SLC9C1: variants seen among roughly 807,000 people sequenced by gnomAD.
SLC9C1 encodes sodium/hydrogen exchanger 10.
In SLC9C1, 97 loss-of-function variants were observed where a neutral mutation model predicts 140.9. That is an observed-to-expected ratio of 0.69 (90% CI 0.58 to 0.82). SLC9C1 has a LOEUF of 0.82. SLC9C1 is among the 40% of genes least tolerant of loss of function. SLC9C1 has a pLI of 0.00. For missense variants in SLC9C1, 1,340 were observed against 1,389.3 expected (o/e 0.96, Z 0.56); for synonymous variants, 440 against 442.6 (o/e 0.99, Z 0.07).
intron 14 of SLC9C1, among the ~76,000 whole-genome samples, chr3:112,217,967 T>C (rs1202836717): frequency 1.3e-5 from 2 of 152,168 alleles, no homozygotes; most frequent in Admixed American, 1.3e-4. Flanking sequence ...AATGTTAGGC[T>C]GGGATAATTA....
At chr3:112,233,801 G>A (rs887216708) in intron 12 of SLC9C1, among the ~76,000 whole-genome samples, 2 of 152,006 alleles carry the variant, frequency 1.3e-5, no homozygotes, top group Non-Finnish European at 2.9e-5. Context: ...CCCTACAAAG[G>A]ACATGAACTC....
At chr3:112,292,938 A>G (rs944462612) in intron 1 of SLC9C1, among the ~76,000 whole-genome samples, 2 of 151,742 alleles carry the variant, frequency 1.3e-5, no homozygotes, top group Admixed American at 1.3e-4. Flanking sequence ...AGAAAAAAAT[A>G]TTGGTTTATC....
intron 15 of SLC9C1, among the ~76,000 whole-genome samples, chr3:112,210,510 C>T (rs755638594): frequency 1.3e-5 from 2 of 152,164 alleles, no homozygotes; most frequent in Non-Finnish European, 2.9e-5. Context: ...GGACAGAAAA[C>T]AGACTGGTGC....
intron 10 of SLC9C1, among the ~76,000 whole-genome samples, chr3:112,260,432 A>G (rs1576468025): frequency 6.6e-6 from 1 of 151,760 alleles, no homozygotes; most frequent in Admixed American, 6.6e-5. Flanking sequence ...GGTCGTTTCT[A>G]TTGAATAATT....
In SLC9C1 at chr3:112,150,840, A is replaced by ATAT. The variant is rs1331641000; in HGVS notation, c.3524+1016_3524+1017insATA. On this transcript the variant is annotated intron_variant, in intron 28 of 28. Coordinates refer to ENST00000305815, the MANE Select transcript of SLC9C1 (RefSeq NM_183061.3). ...CATATACATATATATATATATATAT[A>ATAT]TTTTTTTTTTTTTTTGAGATGAAGT... 1.8e-3 allele frequency among the ~76,000 whole-genome samples: 101 copies of ATAT among 57,318 alleles called. 1 individual carries two copies. Among genetic ancestry groups the ATAT allele is most frequent in the African/African-American group, 6.1e-3 (86 of 14,000 alleles). The allele number at this position is 57,318 out of a possible 152,430, so 37.6% of individuals were successfully genotyped here.
chr3:112,150,951 C>T (rs1218517117), intron 28 of SLC9C1, among the ~76,000 whole-genome samples: 1 of 150,726 alleles, frequency 6.6e-6, no homozygotes, highest in Non-Finnish European at 1.5e-5. Flanking sequence ...GATTCTCCTG[C>T]CTCAGCCCCC....
rs1251352186 is a variant in SLC9C1, at chr3:112,179,609, A to G, written c.2841T>C (p.Ser947=). 5.0e-6 allele frequency: 8 copies of G among 1,612,094 alleles called. No individual in the cohort carries two copies. In the African/African-American group the frequency reaches 9.4e-5, roughly 19 times the overall value. ...FPIIDTDYML[S]GEIIGEINCL... ...AGTTTATCTCTCCTATTATTTCTCC[A>G]CTGAGCATATAGTCTGTGTCAATTA... Residue 947 remains serine (S), a synonymous_variant, in exon 23 of 29, where the codon AGT becomes AGC. Transcript: ENST00000305815.
intron 17 of SLC9C1, 136 bp from the exon 18 acceptor site, chr3:112,202,535 T>G: frequency 1.3e-6 from 1 of 794,876 alleles, no homozygotes; most frequent in Non-Finnish European, 1.9e-6. Flanking sequence ...GTCAAGGTTC[T>G]TTGTTATTTT....
intron 20 of SLC9C1, chr3:112,185,721 G>C (rs921741770): frequency 1.6e-4 from 248 of 1,539,394 alleles, no homozygotes; most frequent in South Asian, 3.0e-4. Flanking sequence ...CTCGGACACG[G>C]CGGCCTTGCT....
chr3:112,167,438 G>A, intron 25 of SLC9C1, 91 bp from the exon 26 acceptor site: 2 of 1,293,752 alleles, frequency 1.5e-6, no homozygotes, highest in Non-Finnish European at 2.1e-6. Flanking sequence ...GCTTTCTCTA[G>A]GTATCTGGGA....
At chr3:112,239,423 C>A (rs2079081089) in intron 12 of SLC9C1, among the ~76,000 whole-genome samples, 1 of 152,350 alleles carries the variant, frequency 6.6e-6, no homozygotes, top group East Asian at 1.9e-4. Flanking sequence ...GATGCCTCGC[C>A]CTGGTTCAAC....
intron 16 of SLC9C1, among the ~76,000 whole-genome samples, chr3:112,206,660 G>A (rs2078059524): frequency 6.6e-6 from 1 of 152,090 alleles, no homozygotes; most frequent in Non-Finnish European, 1.5e-5. Flanking sequence ...ATACTACGCA[G>A]CCATAAAAAA....
At chr3:112,207,930 CTT>C (rs2078100390) in intron 16 of SLC9C1, among the ~76,000 whole-genome samples, 1 of 152,196 alleles carries the variant, frequency 6.6e-6, no homozygotes, top group African/African-American at 2.4e-5. Flanking sequence ...TTTAAACTCA[CTT>C]TGTGTCCCTT....
Position 112,266,259 on chromosome 3 carries a change from A to T in SLC9C1, c.857T>A (p.Ile286Asn), listed in dbSNP as rs1298440088. The T allele has an allele frequency of 6.2e-7, 1 of 1,610,332 alleles. No homozygotes were observed. Among genetic ancestry groups the T allele is most frequent in the East Asian group, 2.2e-5 (1 of 44,582 alleles). The change falls in exon 8 of 29, where the codon ATT (isoleucine) becomes AAT (asparagine). Residue 286 changes from isoleucine (I) to asparagine (N), a missense_variant. By Grantham distance (149) the Ile-to-Asn change is moderately radical. Transcript: ENST00000305815. ...LLNSTSFKAA[I>N]EETLLLEFWT... ...TTACTCAAGAAGAAGTGTTTCTTCA[A>T]TTGCTGCTTTAAAACTTGTAGAATT... is the stretch of plus-strand genomic sequence containing the variant.
chr3:112,182,878 G>C (rs1211363104), intron 20 of SLC9C1, among the ~76,000 whole-genome samples: 1 of 152,172 alleles, frequency 6.6e-6, no homozygotes, highest in Non-Finnish European at 1.5e-5. Flanking sequence ...ACTTGTGTCT[G>C]ATTTCATTTG....
intron 20 of SLC9C1, among the ~76,000 whole-genome samples, chr3:112,197,603 G>C (rs778503615): frequency 2.0e-5 from 3 of 152,146 alleles, no homozygotes; most frequent in African/African-American, 4.8e-5. Flanking sequence ...TCCCCTGAAA[G>C]TTGCAAACCT....
At chr3:112,159,142 C>A (rs182619205) in intron 26 of SLC9C1, among the ~76,000 whole-genome samples, 1 of 151,430 alleles carries the variant, frequency 6.6e-6, no homozygotes, top group Non-Finnish European at 1.5e-5. Flanking sequence ...TTGCTATAGA[C>A]TTCCCACTTA....
chr3:112,163,448 T>C (rs967839674), intron 26 of SLC9C1, among the ~76,000 whole-genome samples: 5 of 151,024 alleles, frequency 3.3e-5, no homozygotes, highest in African/African-American at 1.2e-4. Flanking sequence ...TTTGAATGCG[T>C]CCCAGAGATT....
intron 15 of SLC9C1, among the ~76,000 whole-genome samples, chr3:112,213,477 A>G (rs4395380): frequency 0.45 from 68,985 of 151,818 alleles, 16,153 homozygotes; most frequent in East Asian, 0.63. Context: ...ATGTACAGAG[A>G]CACACATAGG....
Sources: allele counts gnomAD v4.1 joint callset (sites outside exome capture counted in the v4.1 genomes callset), GRCh38; gene constraint gnomAD v4.1.1; transcripts MANE v1.5; gene names NCBI Gene and HGNC (gene_info 2026-07-23, HGNC 2026-07-21).